MEGF11: variants seen among roughly 807,000 people sequenced by gnomAD.
MEGF11 encodes the protein multiple EGF like domains 11, also known as multiple epidermal growth factor-like domains protein 11.
In MEGF11, 126 loss-of-function variants were observed where a neutral mutation model predicts 146.6. The observed-to-expected ratio is 0.86, with a 90% CI of 0.74 to 1.00. MEGF11 has a LOEUF of 1.00. MEGF11 is among the 50% of genes least tolerant of loss of function. The pLI is 0.00. For missense variants in MEGF11, 1,509 were observed against 1,521.2 expected, an observed-to-expected ratio of 0.99 and a Z score of 0.13; for synonymous variants, 532 against 583.4, an observed-to-expected ratio of 0.91 and a Z score of 1.27.
At chr15:66,050,971 A>C (rs1165523519) in intron 5 of MEGF11, among the ~76,000 whole-genome samples, 2 of 152,224 alleles carry the variant, frequency 1.3e-5, no homozygotes, top group Non-Finnish European at 2.9e-5. Context: ...GCATTTACAG[A>C]GAGCTCTTCC....
At chr15:65,986,994 G>C (rs2081884763) in intron 5 of MEGF11, among the ~76,000 whole-genome samples, 1 of 151,390 alleles carries the variant, frequency 6.6e-6, no homozygotes, top group Admixed American at 6.6e-5. Flanking sequence ...GGGCTGAAGG[G>C]CACCTGGAAG....
intron 1 of MEGF11, among the ~76,000 whole-genome samples, chr15:66,218,121 G>T (rs2091633557): frequency 1.3e-5 from 2 of 152,122 alleles, no homozygotes; most frequent in Non-Finnish European, 2.9e-5. Context: ...GTTTTGGCTG[G>T]GTTGTTACAG....
intron 11 of MEGF11, 102 bp downstream of exon 11, chr15:65,930,721 G>A (rs2079546284): frequency 3.6e-6 from 5 of 1,389,068 alleles, no homozygotes; most frequent in African/African-American, 1.5e-5. Context: ...GCATGTGGGG[G>A]CGGGGGTTGG....
chr15:66,046,720 G>A (rs1660344471), intron 5 of MEGF11, among the ~76,000 whole-genome samples: 4 of 152,218 alleles, frequency 2.6e-5, no homozygotes. Flanking sequence ...GATGAGGAGA[G>A]ATGCAGCCCC....
At chr15:65,956,344 G>A (rs2080637969) in intron 10 of MEGF11, among the ~76,000 whole-genome samples, 1 of 152,204 alleles carries the variant, frequency 6.6e-6, no homozygotes, top group Non-Finnish European at 1.5e-5. Flanking sequence ...AAGTGAACAA[G>A]GACCACAGGT....
At chr15:65,937,249 C>G (rs764385661) in intron 10 of MEGF11, among the ~76,000 whole-genome samples, 1 of 152,308 alleles carries the variant, frequency 6.6e-6, no homozygotes, top group East Asian at 1.9e-4. Flanking sequence ...GATCTTGTCA[C>G]ACACTGGAGA....
At chr15:65,939,720 CTT>C (rs2141364669) in intron 10 of MEGF11, among the ~76,000 whole-genome samples, 1 of 152,236 alleles carries the variant, frequency 6.6e-6, no homozygotes, top group South Asian at 2.1e-4. Context: ...GTCTCGAACT[CTT>C]GACCTCGTGA....
intron 5 of MEGF11, among the ~76,000 whole-genome samples, chr15:66,009,273 CAT>C (rs2082627400): frequency 7.3e-6 from 1 of 137,624 alleles, no homozygotes; most frequent in African/African-American, 2.7e-5. Flanking sequence ...TTAAATAGCA[CAT>C]GAGTGCTATA....
At chr15:66,112,230 AAT>A (rs2087465055) in intron 4 of MEGF11, among the ~76,000 whole-genome samples, 1 of 152,186 alleles carries the variant, frequency 6.6e-6, no homozygotes, top group African/African-American at 2.4e-5. Flanking sequence ...CTATAAAAGA[AAT>A]ATGTTTAAAA....
At chr15:66,201,508 C>T (rs1230210149) in intron 1 of MEGF11, among the ~76,000 whole-genome samples, 1 of 152,056 alleles carries the variant, frequency 6.6e-6, no homozygotes, top group East Asian at 1.9e-4. Flanking sequence ...AGGGGTGATG[C>T]TCAAGGGATA....
At chr15:66,020,345 A>G (rs951709566) in intron 5 of MEGF11, among the ~76,000 whole-genome samples, 2 of 152,160 alleles carry the variant, frequency 1.3e-5, no homozygotes, top group Non-Finnish European at 2.9e-5. Context: ...GGAAGAGAAG[A>G]CTTCAGAACA....
rs2078992081 is a variant in MEGF11 at position 65,916,195 on chromosome 15, C to G, written c.2297G>C (p.Gly766Ala). ...GAAGCCTGTGCGGCAGGTGCACTTGCCACTGATGTGGTCACAGCTGGCGCC... is the reference window on the plus strand; with the variant it reads ...GAAGCCTGTGCGGCAGGTGCACTTGGCACTGATGTGGTCACAGCTGGCGCC... The part of the protein sequence containing the change: ...QNGASCDHIS[G>A]KCTCRTGFTG... Residue 766 changes from glycine (G) to alanine (A), a missense_variant, in exon 18 of 26, where the codon GGC (glycine) becomes GCC (alanine). Gly to Ala is a moderately conservative substitution (Grantham distance 60). Transcript: ENST00000395614. 1 of 1,582,126 alleles carries G rather than the reference C, an allele frequency of 6.3e-7. No individual in the cohort carries two copies. The highest frequency in any genetic ancestry group is 1.2e-5 in the South Asian group (1 of 86,134).
chr15:65,944,660 G>T (rs1179136573), intron 10 of MEGF11, among the ~76,000 whole-genome samples: 1 of 152,182 alleles, frequency 6.6e-6, no homozygotes, highest in Non-Finnish European at 1.5e-5. Context: ...TTAGAAAGGT[G>T]CCTGGGCCCT....
intron 4 of MEGF11, among the ~76,000 whole-genome samples, chr15:66,115,257 G>A (rs2087666318): frequency 6.6e-6 from 1 of 152,232 alleles, no homozygotes; most frequent in Non-Finnish European, 1.5e-5. Context: ...GCGATCTGGA[G>A]AGACAAGTCG....
chr15:66,090,945 C>A (rs542664416), intron 5 of MEGF11, among the ~76,000 whole-genome samples: 3 of 152,068 alleles, frequency 2.0e-5, no homozygotes. Context: ...GGATAAGCAC[C>A]CAAATGCCAG....
chr15:66,070,118 G>T (rs2085304172), intron 5 of MEGF11, among the ~76,000 whole-genome samples: 1 of 152,224 alleles, frequency 6.6e-6, no homozygotes, highest in African/African-American at 2.4e-5. Flanking sequence ...AAGTCACTCT[G>T]TCTGGGCTCT....
At position 66,158,520 on chromosome 15, in the gene MEGF11, C is replaced by A. The variant is rs149823203; in HGVS notation, c.-8-30109G>T. Reference sequence around the variant, plus strand: ...CCTGCTTGCCTTAGGCACAGACAGCCCTGTGCACCCCTCCGGGGCCCCAAA... The same window carrying A: ...CCTGCTTGCCTTAGGCACAGACAGCACTGTGCACCCCTCCGGGGCCCCAAA... On this transcript the variant is annotated intron_variant, in intron 1 of 25. Transcript: ENST00000395614. Among the ~76,000 whole-genome samples the A allele has an allele frequency of 2.3e-3, 348 of 152,310 alleles. 2 individuals are homozygous for A. The highest frequency in any genetic ancestry group is 8.0e-3 in the African/African-American group (332 of 41,568).
intron 4 of MEGF11, among the ~76,000 whole-genome samples, chr15:66,118,283 C>T (rs1394520573): frequency 6.6e-6 from 1 of 152,068 alleles, no homozygotes; most frequent in Non-Finnish European, 1.5e-5. Flanking sequence ...ACCCTACGAT[C>T]ATCCTCCCAG....
chr15:66,185,207 C>T (rs1464147241), intron 1 of MEGF11, among the ~76,000 whole-genome samples: 2 of 152,066 alleles, frequency 1.3e-5, no homozygotes, highest in Non-Finnish European at 2.9e-5. Context: ...ATTTACAACC[C>T]CTGCTCCCTG....
Sources: gnomAD v4.1 joint callset for allele counts (sites outside exome capture counted in the v4.1 genomes callset) on GRCh38, gnomAD v4.1.1 for gene constraint, MANE v1.5 for transcripts, NCBI Gene and HGNC (gene_info 2026-07-23, HGNC 2026-07-21) for gene names.